FAM168A: variants seen among roughly 807,000 people sequenced by gnomAD.
FAM168A encodes the protein family with sequence similarity 168 member A, also known as protein FAM168A.
Under a neutral mutation model 28.5 loss-of-function variants are expected in FAM168A, and 3 were observed. The ratio of observed to expected loss-of-function variants is 0.11; its 90% CI spans 0.05 to 0.27. The LOEUF (loss-of-function observed/expected upper bound fraction) is 0.27. Among genes scored for constraint, FAM168A ranks in the 10% least tolerant of loss-of-function variants. The pLI is 1.00. For missense variants in FAM168A, 222 were observed against 311.5 expected (o/e 0.71, Z 2.16); for synonymous variants, 122 against 124.2 (o/e 0.98, Z 0.12).
intron 1 of FAM168A, among the ~76,000 whole-genome samples, chr11:73,560,226 T>C (rs1025534383): frequency 3.3e-5 from 5 of 151,322 alleles, no homozygotes; most frequent in African/African-American, 9.7e-5. Context: ...ACCATGACCA[T>C]GCCTGGCTTT....
chr11:73,453,745 G>C (rs1362047898), intron 2 of FAM168A, among the ~76,000 whole-genome samples: 1 of 152,198 alleles, frequency 6.6e-6, no homozygotes, highest in African/African-American at 2.4e-5. Flanking sequence ...TTCAAGAACA[G>C]GCTCTCCCCA....
At chr11:73,425,588 T>C (rs190314184) in intron 3 of FAM168A, among the ~76,000 whole-genome samples, 29 of 152,352 alleles carry the variant, frequency 1.9e-4, no homozygotes, top group Admixed American at 1.2e-3. Context: ...CCAGCTATAC[T>C]GCCTTTTTTG....
At chr11:73,545,840 C>T (rs1444206310) in intron 1 of FAM168A, among the ~76,000 whole-genome samples, 2 of 151,666 alleles carry the variant, frequency 1.3e-5, no homozygotes, top group South Asian at 2.1e-4. Flanking sequence ...TAAGCCACGG[C>T]GCCCAGCCAA....
At chr11:73,408,471 G>A (rs775345958) in intron 6 of FAM168A, among the ~76,000 whole-genome samples, 3 of 152,096 alleles carry the variant, frequency 2.0e-5, no homozygotes, top group Admixed American at 6.5e-5. Context: ...TGGTATCCTA[G>A]CTGGTTCTTT....
Position 73,411,398 on chromosome 11 carries a change from G to A in FAM168A, c.416C>T (p.Ala139Val). The change falls in exon 5 of 8, where the codon GCC (alanine) becomes GTC (valine). Residue 139 changes from alanine to valine, a missense_variant. Around this residue, in one of 3 missense-constraint regions of FAM168A, gnomAD observed 153 missense variants for 189.2 expected, o/e 0.81. Coordinates refer to ENST00000356467, the MANE Select transcript of FAM168A (RefSeq NM_015159.3). ...GTGGCTTTGACATGTACCTACCTGG[G>A]CATACAGATTCTGCTGGGGGTAGGC... ...RSAYPQQNLY[A>V]QGAYYTQPVY... 1 of 1,598,762 alleles carries A rather than the reference G, an allele frequency of 6.3e-7. No individual in the cohort carries two copies. The highest frequency in any genetic ancestry group is 8.5e-7 in the Non-Finnish European group (1 of 1,172,200).
intron 2 of FAM168A, among the ~76,000 whole-genome samples, chr11:73,436,844 C>G: frequency 6.6e-6 from 1 of 152,096 alleles, no homozygotes; most frequent in East Asian, 1.9e-4. Flanking sequence ...ACTTTATCTT[C>G]AAAACCAAGG....
chr11:73,526,015 T>G (rs941530698), intron 1 of FAM168A, among the ~76,000 whole-genome samples: 1 of 152,138 alleles, frequency 6.6e-6, no homozygotes, highest in Non-Finnish European at 1.5e-5. Flanking sequence ...TAGTATGCTG[T>G]TTTTTTGAAC....
intron 1 of FAM168A, among the ~76,000 whole-genome samples, chr11:73,534,708 C>T (rs1238227016): frequency 1.3e-5 from 2 of 151,978 alleles, no homozygotes; most frequent in African/African-American, 2.4e-5. Context: ...CCGGCAGTAC[C>T]ATATATTTCT....
chr11:73,562,558 C>T (rs948958997), intron 1 of FAM168A, among the ~76,000 whole-genome samples: 1 of 152,080 alleles, frequency 6.6e-6, no homozygotes, highest in Non-Finnish European at 1.5e-5. Context: ...CTGGCACGAT[C>T]GCTCATGCTG....
chr11:73,439,333 G>A (rs1198164186), intron 2 of FAM168A, among the ~76,000 whole-genome samples: 2 of 152,134 alleles, frequency 1.3e-5, no homozygotes, highest in Non-Finnish European at 2.9e-5. Context: ...GTAATCAATT[G>A]CGCTCTGAGT....
chr11:73,581,094 T>TTTAAC (rs1210063312), intron 1 of FAM168A, among the ~76,000 whole-genome samples: 1 of 152,248 alleles, frequency 6.6e-6, no homozygotes, highest in East Asian at 1.9e-4. Flanking sequence ...TATGAAAAGT[T>TTTAAC]GTTAAACAAC....
At chr11:73,567,713 A>G (rs1944038075) in intron 1 of FAM168A, among the ~76,000 whole-genome samples, 1 of 152,168 alleles carries the variant, frequency 6.6e-6, no homozygotes, top group South Asian at 2.1e-4. Context: ...AAATTGACAT[A>G]TAGCTCACTT....
chr11:73,524,303 T>C (rs757744772), intron 1 of FAM168A, among the ~76,000 whole-genome samples: 2 of 152,036 alleles, frequency 1.3e-5, no homozygotes, highest in African/African-American at 4.8e-5. Flanking sequence ...AGCACATGTG[T>C]ACTTAAGTCC....
chr11:73,578,183 C>T (rs1307679276), intron 1 of FAM168A, among the ~76,000 whole-genome samples: 1 of 152,176 alleles, frequency 6.6e-6, no homozygotes, highest in East Asian at 1.9e-4. Context: ...CACAGACGAT[C>T]AAACTACAGC....
At chr11:73,571,516 G>C (rs1319647507) in intron 1 of FAM168A, among the ~76,000 whole-genome samples, 1 of 152,040 alleles carries the variant, frequency 6.6e-6, no homozygotes, top group African/African-American at 2.4e-5. Context: ...CTGAGGTGCC[G>C]GGATTGCAGA....
At chr11:73,436,734 C>G (rs1400878246) in intron 2 of FAM168A, among the ~76,000 whole-genome samples, 1 of 152,118 alleles carries the variant, frequency 6.6e-6, no homozygotes, top group Non-Finnish European at 1.5e-5. Flanking sequence ...AGAGTGGAGA[C>G]AGAACCCATT....
rs544754576 is a variant in FAM168A, at chr11:73,466,722, G to A, written c.70+1683C>T. Reference sequence around the variant, plus strand: ...TGAAGTATAACAAACATTGTATTACGTAGAGTTGAGATTTTAAGAAAGAAA... The same window carrying A: ...TGAAGTATAACAAACATTGTATTACATAGAGTTGAGATTTTAAGAAAGAAA... On this transcript the variant is annotated intron_variant, in intron 2 of 7. Transcript: ENST00000356467. Among the ~76,000 whole-genome samples the A allele has an allele frequency of 5.9e-5, 9 of 152,210 alleles. No individual in the cohort carries two copies. The East Asian group carries it at 7.7e-4, about 13-fold the overall frequency.
chr11:73,562,072 A>G (rs947421341), intron 1 of FAM168A, among the ~76,000 whole-genome samples: 9 of 152,140 alleles, frequency 5.9e-5, no homozygotes, highest in African/African-American at 2.2e-4. Context: ...CCTCCTGAGT[A>G]GCTGGGATTA....
intron 1 of FAM168A, among the ~76,000 whole-genome samples, chr11:73,488,808 TA>T (rs1310775138): frequency 8.5e-5 from 13 of 152,362 alleles, no homozygotes; most frequent in African/African-American, 2.2e-4. Flanking sequence ...AACATACTGT[TA>T]CTTGTCTCAC....
Sources: allele counts gnomAD v4.1 joint callset (sites outside exome capture counted in the v4.1 genomes callset), GRCh38; gene constraint gnomAD v4.1.1; regional missense constraint gnomAD v4.1.1; transcripts MANE v1.5; gene names NCBI Gene and HGNC (gene_info 2026-07-23, HGNC 2026-07-21).